Variants in UBXN11 observed in about 807,000 individuals in gnomAD.
UBXN11 encodes the protein UBX domain-containing protein 11.
A neutral mutation model predicts 62.8 loss-of-function variants in UBXN11; 47 were observed. The observed-to-expected ratio is 0.75, with a 90% CI of 0.59 to 0.95. The LOEUF is 0.95. UBXN11 is among the 40% of genes least tolerant of loss of function. The pLI, the probability that UBXN11 is intolerant of heterozygous loss-of-function variation, is 0.00. For synonymous variants in UBXN11, 294 were observed against 267.0 expected (o/e 1.10, Z -0.99); for missense variants, 638 against 661.7 (o/e 0.96, Z 0.39).
At chr1:26,285,735 G>T in intron 9 of UBXN11, 88 bp downstream of exon 9, 1 of 1,487,266 alleles carries the variant, frequency 6.7e-7, no homozygotes, top group Non-Finnish European at 9.0e-7. Context: ...AGGGCAGGCT[G>T]GGCCTGGGGT....
At chr1:26,295,313 G>C (rs11247904) in intron 7 of UBXN11, among the ~76,000 whole-genome samples, 2 of 151,932 alleles carry the variant, frequency 1.3e-5, no homozygotes, top group African/African-American at 4.8e-5. Context: ...CACCACCCTA[G>C]TTCAAGCCAC....
chr1:26,285,809 A>C lies in UBXN11; in HGVS notation c.774+14T>G, dbSNP rs1160241364. On this transcript the variant is annotated intron_variant, in intron 9 of 14. Coordinates refer to ENST00000374222, the MANE Select transcript of UBXN11 (RefSeq NM_001389556.1). ...GGGGCACTAGAGCACCACCCCCCCCAACACCGCTCCTACCTGTGTGGAGGG... is the reference window on the plus strand; with the variant it reads ...GGGGCACTAGAGCACCACCCCCCCCCACACCGCTCCTACCTGTGTGGAGGG... 1.3e-6 allele frequency: 2 copies of C among 1,582,872 alleles called. No individual in the cohort carries two copies. The highest frequency in any genetic ancestry group is 1.1e-5 in the South Asian group (1 of 89,078).
At chr1:26,315,069 C>A (rs2073779467) in intron 1 of UBXN11, among the ~76,000 whole-genome samples, 1 of 151,616 alleles carries the variant, frequency 6.6e-6, no homozygotes, top group African/African-American at 2.4e-5. Flanking sequence ...GTGACAACGG[C>A]AAGAACCTGA....
intron 8 of UBXN11, among the ~76,000 whole-genome samples, chr1:26,291,284 G>A (rs1006259661): frequency 6.6e-5 from 10 of 152,170 alleles, no homozygotes; most frequent in East Asian, 1.9e-4. Flanking sequence ...AGAGAGGAAC[G>A]GGGACGCCGG....
rs1332974452 is a variant in UBXN11 at position 26,284,371 on chromosome 1, C to T, written c.964G>A (p.Glu322Lys). The change falls in exon 11 of 15, where the codon GAG (glutamate) becomes AAG (lysine). Residue 322 changes from glutamate (E) to lysine (K), a missense_variant. Transcript: ENST00000374222. ...LMHKALDRVE[E>K]HPGSRMTAEK... ...TGGAGGCCAAACTCACCTGGGTGCT[C>T]CTCCACCCTGTCCAAGGCCTTGTGC... is the stretch of plus-strand genomic sequence containing the variant. The T allele has an allele frequency of 2.5e-6, 4 of 1,613,990 alleles. No homozygotes were observed. The highest frequency in any genetic ancestry group is 1.1e-5 in the South Asian group (1 of 91,074).
rs959639433 is a variant in UBXN11 at position 26,291,902 on chromosome 1, A to G, written c.559+2303T>C. Among the ~76,000 whole-genome samples, 6 of 152,328 alleles carry G rather than the reference A, an allele frequency of 3.9e-5. No individual in the cohort carries two copies. The East Asian group carries it at 1.2e-3, about 29-fold the overall frequency. On this transcript the variant is annotated intron_variant, in intron 8 of 14. Transcript: ENST00000374222. ...GCATCATAGGGACTGCACAGCCCCCAGCTTTGCTGTGTCCCAAGTGTACTC... is the reference window on the plus strand; with the variant it reads ...GCATCATAGGGACTGCACAGCCCCCGGCTTTGCTGTGTCCCAAGTGTACTC...
At position 26,282,400 on chromosome 1, in the gene UBXN11, C is replaced by T. The variant is rs745959280; in HGVS notation, c.1462G>A (p.Gly488Ser). The change falls in exon 15 of 15, where the codon GGT (glycine) becomes AGT (serine). Residue 488 changes from glycine (G) to serine (S), a missense_variant. By Grantham distance (56) the Gly-to-Ser change is moderately conservative (BLOSUM62 0). Transcript: ENST00000374222. ...CCGGGACTGGGGCCGGGACCGGGAC[C>T]GGGACAGGGACCAGGACTGAATTTC... is the stretch of plus-strand genomic sequence containing the variant. Reference protein sequence around the residue: ...SLKFSPGPCPGPGPGPSPGPG... With the variant: ...SLKFSPGPCPSPGPGPSPGPG... The T allele has an allele frequency of 2.4e-5, 31 of 1,278,768 alleles. 1 individual carries two copies. The highest frequency in any genetic ancestry group is 2.8e-5 in the Non-Finnish European group (27 of 966,348). The allele number at this position is 1,278,768 out of a possible 1,614,324, so 79.2% of individuals were successfully genotyped here.
chr1:26,297,431 G>A lies in UBXN11; in HGVS notation c.351C>T (p.His117=), dbSNP rs779741033. 1 of 1,549,562 alleles carries A rather than the reference G, an allele frequency of 6.5e-7. No homozygotes were observed. The highest frequency in any genetic ancestry group is 2.0e-5 in the Admixed American group (1 of 50,658). Residue 117 remains histidine (H), a synonymous_variant, in exon 6 of 15, where the codon CAC becomes CAT. Coordinates refer to ENST00000374222, the MANE Select transcript of UBXN11 (RefSeq NM_001389556.1). ...AGCCCTCCAAGAGCCCCCTACCTGG[G>A]TGTGGCCGGAGGGTCTGCACCAGGT... ...LEDLVQTLRP[H]PAEATLQRQE...
intron 8 of UBXN11, among the ~76,000 whole-genome samples, chr1:26,287,793 G>A (rs1214531487): frequency 6.6e-6 from 1 of 151,972 alleles, no homozygotes; most frequent in Non-Finnish European, 1.5e-5. Flanking sequence ...GGAAAAACTC[G>A]CCTAACAGAA....
At chr1:26,288,747 C>G (rs1267811892) in intron 8 of UBXN11, among the ~76,000 whole-genome samples, 1 of 152,202 alleles carries the variant, frequency 6.6e-6, no homozygotes, top group Admixed American at 6.5e-5. Flanking sequence ...CTGCAAGATC[C>G]AGCTGGTGAA....
intron 1 of UBXN11, among the ~76,000 whole-genome samples, chr1:26,316,812 A>C (rs1570151880): frequency 7.1e-6 from 1 of 141,476 alleles, no homozygotes; most frequent in African/African-American, 2.7e-5. Context: ...CCACTCTCTC[A>C]CCCCAGTCCC....
At chr1:26,318,092 C>G (rs762409722) in exon 1 of UBXN11, 31 of 1,608,118 alleles carry the variant, frequency 1.9e-5, no homozygotes, top group Non-Finnish European at 2.6e-5. Flanking sequence ...CGCCTGGCAC[C>G]ACTGCCAGGA....
chr1:26,307,624 C>CTTTT (rs58120340), upstream of UBXN11, among the ~76,000 whole-genome samples: 1 of 127,924 alleles, frequency 7.8e-6, no homozygotes. Flanking sequence ...TTTTCTGTTG[C>CTTTT]TTTTTTTTTT....
Position 26,297,977 on chromosome 1 carries a change from A to G in UBXN11, c.285T>C (p.Asp95=), listed in dbSNP as rs2073436011. 1 of 1,610,182 alleles carries G rather than the reference A, an allele frequency of 6.2e-7. No individual in the cohort carries two copies. The highest frequency in any genetic ancestry group is 1.3e-5 in the African/African-American group (1 of 74,894). The part of the protein sequence containing the change: ...DLEQQVKAQT[D]EILSKDQKIA... Reference sequence around the variant, plus strand: ...GGAGCCCCACCTTGGACAGTATCTCATCAGTCTGGGCCTTCACCTGCTGCT... The same window carrying G: ...GGAGCCCCACCTTGGACAGTATCTCGTCAGTCTGGGCCTTCACCTGCTGCT... The change falls in exon 5 of 15, where the codon GAT becomes GAC. Residue 95 remains aspartate, a synonymous_variant. Transcript: ENST00000374222.
At chr1:26,308,322 T>C (rs1051954879), upstream of UBXN11, among the ~76,000 whole-genome samples, 25 of 149,462 alleles carry the variant, frequency 1.7e-4, no homozygotes, top group Non-Finnish European at 3.1e-4. Flanking sequence ...GAAAACAAGC[T>C]CAGGGTAGTA....
At chr1:26,287,091 G>A (rs1440466257) in intron 8 of UBXN11, among the ~76,000 whole-genome samples, 4 of 152,128 alleles carry the variant, frequency 2.6e-5, no homozygotes, top group Admixed American at 6.5e-5. Context: ...GTGAGAGGAG[G>A]AACTGGGAAG....
chr1:26,284,116 G>T, intron 12 of UBXN11, 26 bp downstream of exon 12: 1 of 1,566,744 alleles, frequency 6.4e-7, no homozygotes, highest in Non-Finnish European at 8.7e-7. Context: ...CCCCAGGAGG[G>T]CTGGGGGAGT....
At chr1:26,314,556 C>A (rs1275816110) in intron 1 of UBXN11, among the ~76,000 whole-genome samples, 1 of 152,150 alleles carries the variant, frequency 6.6e-6, no homozygotes, top group Non-Finnish European at 1.5e-5. Context: ...ACTGTTGCCC[C>A]ATAGTAAATA....
rs1272931561 is a variant in UBXN11, at chr1:26,294,351, G to T, written c.433-20C>A. The T allele has an allele frequency of 1.3e-6, 2 of 1,494,000 alleles. No homozygotes were observed. The highest frequency in any genetic ancestry group is 4.7e-5 in the African/African-American group (2 of 42,344). 92.5% of individuals were successfully genotyped at this position (1,494,000 alleles called of 1,614,324 possible). ...GAACCGCTGTGGGAAAGAAGGGGGA[G>T]ATGCGGGGCACCGTCAGCTCAGCCC... On this transcript the variant is annotated intron_variant, in intron 7 of 14. Coordinates refer to ENST00000374222, the MANE Select transcript of UBXN11 (RefSeq NM_001389556.1).
Sources: gnomAD v4.1 joint callset for allele counts (sites outside exome capture counted in the v4.1 genomes callset) on GRCh38, gnomAD v4.1.1 for gene constraint, MANE v1.5 for transcripts, NCBI Gene and HGNC (gene_info 2026-07-23, HGNC 2026-07-21) for gene names.